MYO16: variants seen among roughly 807,000 people sequenced by gnomAD.
The protein encoded by MYO16 is myosin XVI.
In MYO16, 94 loss-of-function variants were observed where a neutral mutation model predicts 205.3. The observed-to-expected ratio is 0.46, with a 90% confidence interval of 0.39 to 0.54. The LOEUF is 0.54. Among genes scored for constraint, MYO16 ranks in the 20% least tolerant of loss-of-function variants. The pLI is 0.00. For synonymous variants in MYO16, 988 were observed against 954.0 expected (o/e 1.04, Z -0.66); for missense variants, 2,315 against 2,387.5 (o/e 0.97, Z 0.63).
intron 2 of MYO16, among the ~76,000 whole-genome samples, chr13:108,708,130 A>G (rs1370513954): frequency 2.6e-5 from 4 of 152,218 alleles, no homozygotes; most frequent in Admixed American, 1.3e-4. Flanking sequence ...AAAATCCTCA[A>G]GTTATTCTTA....
the MYO16 span, among the ~76,000 whole-genome samples, chr13:108,551,389 G>A: frequency 6.6e-6 from 1 of 152,162 alleles, no homozygotes; most frequent in African/African-American, 2.4e-5. Flanking sequence ...GACTGGTCCT[G>A]CCTGGCTATC....
intron 6 of MYO16, among the ~76,000 whole-genome samples, chr13:108,806,102 C>T (rs187089580): frequency 1.3e-5 from 2 of 152,012 alleles, no homozygotes; most frequent in African/African-American, 4.8e-5. Flanking sequence ...CAGAGAGAGA[C>T]CCTGTCTCAA....
In MYO16 at chr13:108,957,809, G is replaced by A; in HGVS notation, c.2037+10G>A. The A allele has an allele frequency of 6.3e-7, 1 of 1,588,974 alleles. No individual in the cohort carries two copies. On this transcript the variant is annotated intron_variant, in intron 17 of 34. Coordinates refer to ENST00000457511, the MANE Select transcript of MYO16 (RefSeq NM_001198950.3). ...TGGCTTCAGCAGCTTGGTGAGTCATGTCATAAATATTTCACTGAGAAAATC... is the reference window on the plus strand; with the variant it reads ...TGGCTTCAGCAGCTTGGTGAGTCATATCATAAATATTTCACTGAGAAAATC...
At chr13:108,854,867 T>C (rs1878085739) in intron 10 of MYO16, among the ~76,000 whole-genome samples, 1 of 152,238 alleles carries the variant, frequency 6.6e-6, no homozygotes, top group Admixed American at 6.5e-5. Context: ...AAGTATTTTT[T>C]CTTTATGACA....
chr13:108,716,084 C>G lies in MYO16; in HGVS notation c.363+3353C>G, dbSNP rs966307070. ...ATTAATGGAATATGTGGTTTTTTCT[C>G]TCTGCTAGACTGAAATCTCAAAAAC... On this transcript the variant is annotated intron_variant, in intron 3 of 34. Transcript: ENST00000457511. 2.0e-5 allele frequency among the ~76,000 whole-genome samples: 3 copies of G among 152,152 alleles called. No individual in the cohort carries two copies. The South Asian group carries it at 6.2e-4, about 32-fold the overall frequency.
At chr13:108,535,993 G>C in the MYO16 span, among the ~76,000 whole-genome samples, 1 of 151,770 alleles carries the variant, frequency 6.6e-6, no homozygotes, top group Non-Finnish European at 1.5e-5. Flanking sequence ...TGTGTTTTAT[G>C]TCTGTGTGTA....
chr13:108,980,315 T>G (rs551040551), intron 20 of MYO16, among the ~76,000 whole-genome samples: 1 of 152,128 alleles, frequency 6.6e-6, no homozygotes, highest in Non-Finnish European at 1.5e-5. Context: ...AAGGAAAAAA[T>G]TCATTGCACT....
intron 6 of MYO16, among the ~76,000 whole-genome samples, chr13:108,804,032 C>T (rs1349606156): frequency 1.3e-5 from 2 of 152,160 alleles, no homozygotes; most frequent in Non-Finnish European, 2.9e-5. Flanking sequence ...TGTGTCCACT[C>T]TTCTGTGCTA....
chr13:108,599,711 C>G (rs995816573), intron 1 of MYO16, among the ~76,000 whole-genome samples: 2 of 152,078 alleles, frequency 1.3e-5, no homozygotes, highest in African/African-American at 4.8e-5. Context: ...TCCCAGGGAG[C>G]TGAAAATTTT....
At chr13:108,680,043 T>C (rs1376568146) in intron 2 of MYO16, among the ~76,000 whole-genome samples, 2 of 152,224 alleles carry the variant, frequency 1.3e-5, no homozygotes, top group Non-Finnish European at 2.9e-5. Flanking sequence ...AGTTTCTGTC[T>C]GAGCTCTGAA....
intron 21 of MYO16, among the ~76,000 whole-genome samples, chr13:108,995,775 T>A (rs1884982247): frequency 6.6e-6 from 1 of 152,228 alleles, no homozygotes; most frequent in African/African-American, 2.4e-5. Flanking sequence ...GAACTCATCA[T>A]TTTTTATGGC....
At chr13:108,799,429 C>T (rs1029114200) in intron 6 of MYO16, among the ~76,000 whole-genome samples, 2 of 152,060 alleles carry the variant, frequency 1.3e-5, no homozygotes, top group Non-Finnish European at 2.9e-5. Context: ...CTATATCATT[C>T]CACTAAGCAA....
At chr13:108,635,495 G>C (rs1444839726) in intron 1 of MYO16, among the ~76,000 whole-genome samples, 2 of 146,262 alleles carry the variant, frequency 1.4e-5, no homozygotes, top group African/African-American at 5.1e-5. Context: ...GGTGTAGATG[G>C]TTTACCTATT....
In MYO16 at chr13:108,888,467, G is replaced by C; in HGVS notation, c.1649G>C (p.Arg550Thr). 3 of 1,594,700 alleles carry C rather than the reference G, an allele frequency of 1.9e-6. No homozygotes were observed. Among genetic ancestry groups the C allele is most frequent in the Non-Finnish European group, 2.6e-6 (3 of 1,173,998 alleles). The change falls in exon 14 of 35, where the codon AGA (arginine) becomes ACA (threonine). Residue 550 changes from arginine to threonine, a missense_variant. Around this residue, in one of 3 missense-constraint regions of MYO16, gnomAD observed 1,213 missense variants for 1,274.4 expected, o/e 0.95. Coordinates refer to ENST00000457511, the MANE Select transcript of MYO16 (RefSeq NM_001198950.3). ...AGASRATLDS[R>T]FKHVVCILEA... Reference sequence around the variant, plus strand: ...GCCAGCAGGGCCACACTGGATTCCAGATTCAAACATGTAAGTTTTTTGTTT... The same window carrying C: ...GCCAGCAGGGCCACACTGGATTCCACATTCAAACATGTAAGTTTTTTGTTT...
the MYO16 span, among the ~76,000 whole-genome samples, chr13:108,535,698 T>C: frequency 6.6e-6 from 1 of 152,130 alleles, no homozygotes; most frequent in Non-Finnish European, 1.5e-5. Flanking sequence ...CAAAAAGTAA[T>C]GGAATATGTA....
rs9559449 is a variant in MYO16, at chr13:108,951,960, G to T, written c.1926-5728G>T. ...CACTACTAAAAAAACACAAAAATTC[G>T]CCAGACGTGGTGGTGGGCGCCTGTA... is the stretch of plus-strand genomic sequence containing the variant. On this transcript the variant is annotated intron_variant, in intron 16 of 34. Transcript: ENST00000457511. Among the ~76,000 whole-genome samples the T allele has an allele frequency of 3.9e-3, 586 of 151,986 alleles. 4 individuals are homozygous for T. The highest frequency in any genetic ancestry group is 0.012 in the African/African-American group (514 of 41,448).
At chr13:108,980,308 G>GA (rs1438040738) in intron 20 of MYO16, among the ~76,000 whole-genome samples, 3 of 152,128 alleles carry the variant, frequency 2.0e-5, no homozygotes, top group African/African-American at 7.2e-5. Flanking sequence ...TTATATAAAG[G>GA]AAAAAATTCA....
intron 28 of MYO16, among the ~76,000 whole-genome samples, chr13:109,118,475 G>A (rs536648738): frequency 3.0e-4 from 45 of 152,164 alleles, no homozygotes; most frequent in Non-Finnish European, 5.3e-4. Context: ...CCCTTCCACA[G>A]GTCTTTTAGG....
chr13:108,673,419 T>C (rs936127501), intron 2 of MYO16, among the ~76,000 whole-genome samples: 1 of 151,830 alleles, frequency 6.6e-6, no homozygotes, highest in African/African-American at 2.4e-5. Context: ...ATATGCCAAA[T>C]GTTTACTAAG....
Sources: gnomAD v4.1 joint callset for allele counts (sites outside exome capture counted in the v4.1 genomes callset) on GRCh38, gnomAD v4.1.1 for gene constraint, gnomAD v4.1.1 regional missense constraint, MANE v1.5 for transcripts, NCBI Gene and HGNC (gene_info 2026-07-23, HGNC 2026-07-21) for gene names.